Variants in WWOX observed in about 807,000 individuals in gnomAD.
WWOX encodes the protein WW domain containing oxidoreductase.
Under a neutral mutation model 46.2 loss-of-function variants are expected in WWOX, and 69 were observed. That is an observed-to-expected ratio of 1.49 (90% CI 1.23 to 1.82). The LOEUF (loss-of-function observed/expected upper bound fraction) is 1.82, where lower values mean the gene tolerates loss of function less well. Ranked by LOEUF, WWOX falls within the 40% of genes most tolerant of loss-of-function variation. The probability of loss-of-function intolerance (pLI) is 0.00; values close to 1 mark genes in which losing one functional copy is unlikely to be tolerated. For synonymous variants in WWOX, 359 were observed against 202.6 expected (o/e 1.77, Z -6.56); for missense variants, 919 against 542.6 (o/e 1.69, Z -6.89).
chr16:78,989,686 G>A (rs1415759632), intron 8 of WWOX, among the ~76,000 whole-genome samples: 2 of 152,098 alleles, frequency 1.3e-5, no homozygotes, highest in African/African-American at 2.4e-5. Context: ...GGAGCAGAGA[G>A]CATGAGTAAG....
chr16:78,801,004 T>G (rs2050115869), intron 8 of WWOX, among the ~76,000 whole-genome samples: 1 of 152,016 alleles, frequency 6.6e-6, no homozygotes, highest in Non-Finnish European at 1.5e-5. Context: ...AATAGTTTAT[T>G]TATTTCATGC....
chr16:78,890,691 T>A (rs1313635293), intron 8 of WWOX: 1 of 152,256 alleles, frequency 6.6e-6, no homozygotes, highest in East Asian at 1.9e-4. Context: ...CATCTGAGCG[T>A]GCCTTGTCTA....
At chr16:78,733,091 T>A (rs2049004247) in intron 8 of WWOX, among the ~76,000 whole-genome samples, 1 of 152,212 alleles carries the variant, frequency 6.6e-6, no homozygotes, top group African/African-American at 2.4e-5. Flanking sequence ...TCCGCCTTTT[T>A]TGTCCCATTT....
At chr16:78,150,425 C>T (rs2151719649) in intron 4 of WWOX, among the ~76,000 whole-genome samples, 1 of 152,130 alleles carries the variant, frequency 6.6e-6, no homozygotes, top group African/African-American at 2.4e-5. Flanking sequence ...GGCTGCAGTG[C>T]AGTGGTGCAA....
intron 5 of WWOX, among the ~76,000 whole-genome samples, chr16:78,290,431 T>C (rs1295648890): frequency 5.9e-5 from 9 of 152,172 alleles, no homozygotes; most frequent in Admixed American, 4.6e-4. Context: ...AGAGTAGTTT[T>C]TGTGGCATTG....
rs533178733 is a variant in WWOX at position 78,991,190 on chromosome 16, A to T, written c.1057-220418A>T. ...CAAAGTCAAAGAAGAAATTTGGAGA[A>T]ATTCTCACCACTGTGCTTAGGAGTC... On this transcript the variant is annotated intron_variant, in intron 8 of 8. Coordinates refer to ENST00000566780, the MANE Select transcript of WWOX (RefSeq NM_016373.4). Among the ~76,000 whole-genome samples, 7 of 152,284 alleles carry T rather than the reference A, an allele frequency of 4.6e-5. No homozygotes were observed. In the South Asian group the frequency reaches 1.4e-3, roughly 32 times the overall value.
chr16:79,125,411 T>A (rs1232980778), intron 8 of WWOX, among the ~76,000 whole-genome samples: 1 of 152,210 alleles, frequency 6.6e-6, no homozygotes, highest in East Asian at 1.9e-4. Flanking sequence ...AAATAAGCCT[T>A]TGAAGAGAGT....
At chr16:78,494,256 T>G (rs1277580777) in intron 8 of WWOX, among the ~76,000 whole-genome samples, 1 of 152,142 alleles carries the variant, frequency 6.6e-6, no homozygotes. Flanking sequence ...TCCCGTCTAG[T>G]TCCTGCAGAG....
At chr16:78,969,146 G>T (rs906716415) in intron 8 of WWOX, among the ~76,000 whole-genome samples, 1 of 152,084 alleles carries the variant, frequency 6.6e-6, no homozygotes. Flanking sequence ...CTGTTTCTGT[G>T]TCTGGTCTTA....
intron 8 of WWOX, among the ~76,000 whole-genome samples, chr16:78,837,815 ATTATT>A (rs1348586416): frequency 1.3e-5 from 2 of 152,206 alleles, no homozygotes; most frequent in African/African-American, 4.8e-5. Flanking sequence ...TCTTATATTT[ATTATT>A]TTACTTAATT....
At chr16:79,053,065 CTTAG>C (rs1236633573) in intron 8 of WWOX, among the ~76,000 whole-genome samples, 1 of 151,826 alleles carries the variant, frequency 6.6e-6, no homozygotes, top group African/African-American at 2.4e-5. Flanking sequence ...TTTAGATGCT[CTTAG>C]TTAAAGACCA....
intron 5 of WWOX, among the ~76,000 whole-genome samples, chr16:78,305,994 C>T (rs939827013): frequency 6.6e-6 from 1 of 151,978 alleles, no homozygotes; most frequent in Non-Finnish European, 1.5e-5. Flanking sequence ...ATGTCCTTTA[C>T]ATGGGCAATC....
At chr16:78,380,762 C>A (rs1328759939) in intron 5 of WWOX, among the ~76,000 whole-genome samples, 1 of 152,106 alleles carries the variant, frequency 6.6e-6, no homozygotes, top group Non-Finnish European at 1.5e-5. Context: ...GAGGAGCAAA[C>A]TAAATATACA....
intron 6 of WWOX, among the ~76,000 whole-genome samples, chr16:78,405,159 A>G (rs954092081): frequency 6.6e-6 from 1 of 152,162 alleles, no homozygotes; most frequent in Non-Finnish European, 1.5e-5. Flanking sequence ...GAGTATTTCC[A>G]TTTTCAGTTA....
Position 78,432,616 on chromosome 16 carries a change from T to G in WWOX, c.920T>G (p.Leu307Arg). The G allele has an allele frequency of 6.2e-7, 1 of 1,614,224 alleles. No homozygotes were observed. Among genetic ancestry groups the G allele is most frequent in the Non-Finnish European group, 8.5e-7 (1 of 1,180,040 alleles). ...TGCAACATCCTCTTCTCCAACGAGC[T>G]GCACCGTCGCCTCTCCCCACGCGGG... Reference protein sequence around the residue: ...KLCNILFSNELHRRLSPRGVT... With the variant: ...KLCNILFSNERHRRLSPRGVT... Residue 307 changes from leucine to arginine, a missense_variant, in exon 8 of 9, where the codon CTG becomes CGG. By Grantham distance (102) the Leu-to-Arg change is moderately radical. Coordinates refer to ENST00000566780, the MANE Select transcript of WWOX (RefSeq NM_016373.4).
chr16:78,939,097 C>T (rs925773046), intron 8 of WWOX, among the ~76,000 whole-genome samples: 2 of 152,172 alleles, frequency 1.3e-5, no homozygotes, highest in Non-Finnish European at 1.5e-5. Flanking sequence ...TTAGACAGGA[C>T]AGTGGCCCCG....
intron 5 of WWOX, among the ~76,000 whole-genome samples, chr16:78,353,598 A>G (rs74027845): frequency 0.046 from 6,955 of 152,336 alleles, 542 homozygotes; most frequent in African/African-American, 0.16. Flanking sequence ...GAATTTACCA[A>G]TATGCAAAGA....
intron 8 of WWOX, among the ~76,000 whole-genome samples, chr16:79,165,738 G>A (rs1567593074): frequency 6.6e-6 from 1 of 152,166 alleles, no homozygotes. Context: ...AGGGTGAAAA[G>A]CACAGGCCAA....
At chr16:78,548,152 CAAAAAA>C in intron 8 of WWOX, among the ~76,000 whole-genome samples, 1 of 34,274 alleles carries the variant, frequency 2.9e-5, no homozygotes, top group South Asian at 1.1e-3. Context: ...AAGACTGTCT[CAAAAAA>C]AAAAAAAAAA....
Sources: gnomAD v4.1 joint callset for allele counts (sites outside exome capture counted in the v4.1 genomes callset) on GRCh38, gnomAD v4.1.1 for gene constraint, MANE v1.5 for transcripts, NCBI Gene and HGNC (gene_info 2026-07-23, HGNC 2026-07-21) for gene names.